The following B3GALT1 variants were observed in gnomAD, a reference collection of about 807,000 sequenced individuals.
B3GALT1 encodes the protein beta-1,3-galactosyltransferase 1.
B3GALT1 carries 10 observed loss-of-function variants against 23.2 expected under a neutral mutation model. The observed-to-expected ratio is 0.43, with a 90% CI of 0.27 to 0.73. B3GALT1 has a LOEUF of 0.73. Among genes scored for constraint, B3GALT1 ranks in the 30% least tolerant of loss-of-function variants. The pLI, the probability that B3GALT1 is intolerant of heterozygous loss-of-function variation, is 0.21. For synonymous variants in B3GALT1, 156 were observed against 141.5 expected, an observed-to-expected ratio of 1.10 and a Z score of -0.73; for missense variants, 299 against 405.4, an observed-to-expected ratio of 0.74 and a Z score of 2.25.
chr2:167,342,682 T>TC (rs1697168002), intron 1 of B3GALT1, among the ~76,000 whole-genome samples: 1 of 152,086 alleles, frequency 6.6e-6, no homozygotes, highest in South Asian at 2.1e-4. Context: ...AGTTCCCATT[T>TC]CCCCTCCCCA....
chr2:167,741,476 T>C (rs10168551), intron 3 of B3GALT1, among the ~76,000 whole-genome samples: 28,255 of 152,024 alleles, frequency 0.19, 2,734 homozygotes, highest in South Asian at 0.22. Flanking sequence ...GCCAGAGTGG[T>C]CCATCACAGG....
At chr2:167,397,770 C>T (rs1293660096) in intron 1 of B3GALT1, among the ~76,000 whole-genome samples, 1 of 152,118 alleles carries the variant, frequency 6.6e-6, no homozygotes, top group Non-Finnish European at 1.5e-5. Context: ...GTGAGTAGAT[C>T]GGGCTAACCC....
chr2:167,839,436 A>C (rs1482294140), intron 4 of B3GALT1, among the ~76,000 whole-genome samples: 5 of 152,280 alleles, frequency 3.3e-5, no homozygotes, highest in Non-Finnish European at 7.3e-5. Flanking sequence ...CAATTGCTTC[A>C]AAGAGAATAA....
intron 1 of B3GALT1, among the ~76,000 whole-genome samples, chr2:167,311,169 T>C (rs1431466371): frequency 6.6e-6 from 1 of 152,108 alleles, no homozygotes; most frequent in Non-Finnish European, 1.5e-5. Context: ...GACATGCAAG[T>C]ATTGAGAGGA....
intron 2 of B3GALT1, among the ~76,000 whole-genome samples, chr2:167,544,284 A>G (rs757459427): frequency 2.0e-5 from 3 of 152,028 alleles, no homozygotes; most frequent in Non-Finnish European, 4.4e-5. Context: ...GAAAAGGACA[A>G]TGGATTTTTT....
intron 4 of B3GALT1, among the ~76,000 whole-genome samples, chr2:167,866,384 T>TAGTCCA (rs1257113115): frequency 1.2e-4 from 18 of 152,234 alleles, no homozygotes; most frequent in Non-Finnish European, 4.4e-5. Context: ...ACTTGAAACC[T>TAGTCCA]TTCCTCCTAG....
At chr2:167,562,572 C>T (rs558409289) in intron 2 of B3GALT1, among the ~76,000 whole-genome samples, 7 of 151,508 alleles carry the variant, frequency 4.6e-5, no homozygotes, top group African/African-American at 1.7e-4. Context: ...TGTGTCAGCC[C>T]AAAATCTCCT....
At chr2:167,691,856 GA>G (rs376595216) in intron 3 of B3GALT1, among the ~76,000 whole-genome samples, 137 of 152,258 alleles carry the variant, frequency 9.0e-4, no homozygotes, top group African/African-American at 3.1e-3. Context: ...GGACCTATAA[GA>G]TGTGCATATA....
chr2:167,329,370 T>C (rs1208988951), intron 1 of B3GALT1, among the ~76,000 whole-genome samples: 2 of 152,242 alleles, frequency 1.3e-5, no homozygotes, highest in Non-Finnish European at 2.9e-5. Context: ...GTGGATTTCA[T>C]GTTTTTTAAA....
chr2:167,351,955 ATTTTT>A (rs71031283), intron 1 of B3GALT1, among the ~76,000 whole-genome samples: 25 of 134,308 alleles, frequency 1.9e-4, no homozygotes, highest in African/African-American at 7.9e-4. Context: ...GCTGTTTTTG[ATTTTT>A]TTTTTTTTTT....
chr2:167,714,496 C>A (rs1481740017), intron 3 of B3GALT1: 3 of 1,608,842 alleles, frequency 1.9e-6, no homozygotes, highest in East Asian at 2.2e-5. Flanking sequence ...GCTGACCCAA[C>A]GGTGAGGGAC....
At chr2:167,614,908 T>G (rs937973998) in intron 2 of B3GALT1, among the ~76,000 whole-genome samples, 10 of 151,952 alleles carry the variant, frequency 6.6e-5, no homozygotes, top group Non-Finnish European at 5.9e-5. Context: ...TAGATAGATA[T>G]ATTTACTCAT....
intron 2 of B3GALT1, among the ~76,000 whole-genome samples, chr2:167,493,109 C>T (rs1699734545): frequency 6.6e-6 from 1 of 152,062 alleles, no homozygotes; most frequent in Admixed American, 6.6e-5. Context: ...ACATATGAGG[C>T]ACATCAAATT....
intron 2 of B3GALT1, among the ~76,000 whole-genome samples, chr2:167,635,843 A>G (rs1357910390): frequency 1.3e-5 from 2 of 152,122 alleles, no homozygotes; most frequent in Non-Finnish European, 2.9e-5. Flanking sequence ...AGAAAAAACT[A>G]CTTTAAATTT....
At chr2:167,297,389 A>T (rs1229283870) in intron 1 of B3GALT1, among the ~76,000 whole-genome samples, 1 of 142,746 alleles carries the variant, frequency 7.0e-6, no homozygotes, top group African/African-American at 2.8e-5. Context: ...CTCTGTAAAA[A>T]CTGATTAAAA....
chr2:167,841,558 C>G (rs1035074834), intron 4 of B3GALT1, among the ~76,000 whole-genome samples: 1 of 152,232 alleles, frequency 6.6e-6, no homozygotes, highest in African/African-American at 2.4e-5. Context: ...GATGTGACCA[C>G]ACTTGCCTGA....
rs1244293462 is a variant in B3GALT1, at chr2:167,815,851, CACA to C, written c.-351-2816_-351-2814del. Among the ~76,000 whole-genome samples, 11 of 152,236 alleles carry C rather than the reference CACA, an allele frequency of 7.2e-5. No homozygotes were observed. In the South Asian group the frequency reaches 2.3e-3, roughly 32 times the overall value. On this transcript the variant is annotated intron_variant, in intron 3 of 4. Transcript: ENST00000392690. Reference sequence around the variant, plus strand: ...AGTCTAAGCTATTTCCCCAGAAAAACACAACAATTTCTACAGTCAATTTTCAAT... The same window carrying C: ...AGTCTAAGCTATTTCCCCAGAAAAACACAATTTCTACAGTCAATTTTCAAT...
At chr2:167,407,268 G>A (rs1364569727) in intron 1 of B3GALT1, among the ~76,000 whole-genome samples, 2 of 151,674 alleles carry the variant, frequency 1.3e-5, no homozygotes, top group Non-Finnish European at 2.9e-5. Flanking sequence ...AACTCAAGAA[G>A]GAAATTAAAA....
chr2:167,741,243 A>C (rs1437693716), intron 3 of B3GALT1, among the ~76,000 whole-genome samples: 1 of 152,184 alleles, frequency 6.6e-6, no homozygotes, highest in African/African-American at 2.4e-5. Flanking sequence ...CAAGACTCTC[A>C]TGAGTCAGTA....
Sources: gnomAD v4.1 joint callset for allele counts (sites outside exome capture counted in the v4.1 genomes callset) on GRCh38, gnomAD v4.1.1 for gene constraint, MANE v1.5 for transcripts, NCBI Gene and HGNC (gene_info 2026-07-23, HGNC 2026-07-21) for gene names.